Variants in SLC9A7 observed in about 807,000 individuals in gnomAD.
The protein encoded by SLC9A7 is solute carrier family 9 member A7, also known as sodium/hydrogen exchanger 7.
A neutral mutation model predicts 52.6 loss-of-function variants in SLC9A7; 19 were observed. The observed-to-expected ratio is 0.36, with a 90% CI of 0.25 to 0.53. The LOEUF (loss-of-function observed/expected upper bound fraction) is 0.53, where lower values mean the gene tolerates loss of function less well. Among genes scored for constraint, SLC9A7 ranks in the 20% least tolerant of loss-of-function variants. The probability of loss-of-function intolerance (pLI) is 0.91; values close to 1 mark genes in which losing one functional copy is unlikely to be tolerated. For missense variants in SLC9A7, 455 were observed against 597.9 expected (o/e 0.76, Z 2.49); for synonymous variants, 226 against 252.1 (o/e 0.90, Z 0.98).
In SLC9A7 at chrX:46,606,326, C is replaced by T. The variant is rs1602122314; in HGVS notation, c.*626G>A. On this transcript the variant is annotated 3_prime_UTR_variant, in exon 17 of 17. Transcript: ENST00000616978. ...AGCCAGAGAAGGAACTATAATTCTTCGTTCCATGTTGAAATGTTCGTGGAT... is the reference window on the plus strand; with the variant it reads ...AGCCAGAGAAGGAACTATAATTCTTTGTTCCATGTTGAAATGTTCGTGGAT... 5 of 753,078 alleles carry T rather than the reference C, an allele frequency of 6.6e-6. No homozygotes were observed. The highest frequency in any genetic ancestry group is 2.3e-5 in the African/African-American group (1 of 43,786). 62.1% of individuals were successfully genotyped at this position (753,078 alleles called of 1,213,427 possible). A position where few individuals can be genotyped will look rare whatever the true frequency, so the allele number is the denominator to read the frequency against.
In SLC9A7 at chrX:46,688,196, G is replaced by A. The variant is rs184751098; in HGVS notation, c.326-5661C>T. 1.2e-3 allele frequency among the ~76,000 whole-genome samples: 137 copies of A among 112,161 alleles called. 2 individuals are homozygous for A. The highest frequency in any genetic ancestry group is 3.2e-4 in the Non-Finnish European group (17 of 53,239). The stretch of plus-strand genomic sequence containing the variant: ...ATTTCCCTAGAGTAGATACCTAGGA[G>A]TGGAACTGCTGTGTCATATGATAAA... On this transcript the variant is annotated intron_variant, in intron 1 of 16. Transcript: ENST00000616978.
chrX:46,727,721 G>A (rs973919539), intron 1 of SLC9A7, among the ~76,000 whole-genome samples: 4 of 112,007 alleles, frequency 3.6e-5, no homozygotes, highest in Non-Finnish European at 5.6e-5. Context: ...GAGTCTCTTC[G>A]TGGAAAGATT....
intron 1 of SLC9A7, among the ~76,000 whole-genome samples, chrX:46,757,037 A>G (rs1602316475): frequency 8.9e-6 from 1 of 111,910 alleles, no homozygotes; most frequent in East Asian, 2.8e-4. Flanking sequence ...TGACAAATCT[A>G]CCTCCTATTT....
intron 1 of SLC9A7, among the ~76,000 whole-genome samples, chrX:46,729,914 G>A (rs1160822860): frequency 8.9e-6 from 1 of 112,007 alleles, no homozygotes; most frequent in African/African-American, 3.2e-5. Flanking sequence ...ATTTAACTCA[G>A]AGGTTCATTC....
At chrX:46,744,334 G>A (rs1035417528) in intron 1 of SLC9A7, among the ~76,000 whole-genome samples, 15 of 112,723 alleles carry the variant, frequency 1.3e-4, no homozygotes, top group African/African-American at 4.5e-4. Flanking sequence ...AATATGCTGA[G>A]CTAATTAGAA....
At chrX:46,611,329 C>T (rs1049591746) in intron 16 of SLC9A7, among the ~76,000 whole-genome samples, 6 of 112,270 alleles carry the variant, frequency 5.3e-5, no homozygotes, top group Non-Finnish European at 7.5e-5. Context: ...TAAAACTTAC[C>T]GCAAGCATTA....
chrX:46,656,027 G>A (rs753399166), intron 7 of SLC9A7, among the ~76,000 whole-genome samples: 2,215 of 110,832 alleles, frequency 0.02, 30 homozygotes, highest in Non-Finnish European at 0.033. Flanking sequence ...GGAGATCTGA[G>A]AACGGGCAGA....
intron 1 of SLC9A7, among the ~76,000 whole-genome samples, chrX:46,745,109 C>G (rs191410891): frequency 2.9e-4 from 32 of 111,644 alleles, no homozygotes; most frequent in Non-Finnish European, 5.3e-4. Flanking sequence ...AACAATGACT[C>G]AAGAACAAGG....
intron 1 of SLC9A7, among the ~76,000 whole-genome samples, chrX:46,713,774 T>C (rs1220875464): frequency 1.8e-5 from 2 of 110,384 alleles, no homozygotes; most frequent in African/African-American, 6.6e-5. Context: ...ACCACACTAT[T>C]AGTGACTCTA....
chrX:46,682,246 G>A, intron 2 of SLC9A7, 90 bp downstream of exon 2: 2 of 892,659 alleles, frequency 2.2e-6, no homozygotes, highest in East Asian at 3.1e-5. Context: ...TAATCCAGGA[G>A]TTTGGAAGGA....
chrX:46,737,499 T>C (rs1171818628), intron 1 of SLC9A7, among the ~76,000 whole-genome samples: 1 of 112,091 alleles, frequency 8.9e-6, no homozygotes, highest in Non-Finnish European at 1.9e-5. Context: ...ATTTCTTTCC[T>C]AGGTTCAGGA....
intron 1 of SLC9A7, among the ~76,000 whole-genome samples, chrX:46,746,751 A>C (rs1921813682): frequency 8.9e-6 from 1 of 112,373 alleles, no homozygotes; most frequent in Non-Finnish European, 1.9e-5. Context: ...AAGAACTAAA[A>C]CTAGAACAAC....
At chrX:46,754,301 T>A (rs1922471058) in intron 1 of SLC9A7, among the ~76,000 whole-genome samples, 1 of 111,275 alleles carries the variant, frequency 9.0e-6, no homozygotes, top group African/African-American at 3.3e-5. Flanking sequence ...TAACATAATC[T>A]CCATTTTCCA....
At chrX:46,615,439 A>G (rs1044367123) in intron 15 of SLC9A7, among the ~76,000 whole-genome samples, 1 of 110,180 alleles carries the variant, frequency 9.1e-6, no homozygotes, top group African/African-American at 3.3e-5. Flanking sequence ...TTGGGAAGAG[A>G]CCCTACAGGC....
chrX:46,673,355 A>C (rs202140003), intron 3 of SLC9A7, among the ~76,000 whole-genome samples: 5,948 of 102,884 alleles, frequency 0.058, 601 homozygotes, highest in African/African-American at 0.19. Flanking sequence ...TAAAAATATA[A>C]ACACACACAC....
chrX:46,666,185 C>T (rs1240947771), intron 5 of SLC9A7, among the ~76,000 whole-genome samples: 3 of 112,035 alleles, frequency 2.7e-5, no homozygotes, highest in Non-Finnish European at 3.8e-5. Flanking sequence ...CAGCTCACTG[C>T]AGCCTCAAAC....
chrX:46,661,339 T>A (rs1019332534), intron 7 of SLC9A7, among the ~76,000 whole-genome samples: 1 of 109,813 alleles, frequency 9.1e-6, no homozygotes, highest in African/African-American at 3.3e-5. Context: ...AACCTGCACA[T>A]TGTGCACATG....
chrX:46,736,945 C>T (rs182339338), intron 1 of SLC9A7, among the ~76,000 whole-genome samples: 78 of 111,622 alleles, frequency 7.0e-4, no homozygotes, highest in Non-Finnish European at 1.0e-3. Context: ...ATACTGTGAA[C>T]CTGGGTCTTG....
chrX:46,607,840 G>A (rs1198447647), intron 16 of SLC9A7, among the ~76,000 whole-genome samples: 2 of 111,356 alleles, frequency 1.8e-5, no homozygotes, highest in East Asian at 2.8e-4. Context: ...TGTCGGAGAC[G>A]GCACGAGGTC....
Sources: allele counts gnomAD v4.1 joint callset (sites outside exome capture counted in the v4.1 genomes callset), GRCh38; gene constraint gnomAD v4.1.1; transcripts MANE v1.5; gene names NCBI Gene and HGNC (gene_info 2026-07-23, HGNC 2026-07-21).